Variants in CBL observed in about 807,000 individuals in gnomAD.
CBL encodes the protein E3 ubiquitin-protein ligase CBL.
In CBL, 45 loss-of-function variants were observed where a neutral mutation model predicts 96.9. The ratio of observed to expected loss-of-function variants is 0.46; its 90% CI spans 0.37 to 0.60. CBL has a LOEUF of 0.60. Among genes scored for constraint, CBL ranks in the 20% least tolerant of loss-of-function variants. CBL has a pLI of 0.00. For synonymous variants in CBL, 420 were observed against 426.8 expected (o/e 0.98, Z 0.20); for missense variants, 1,024 against 1,143.5 (o/e 0.90, Z 1.51).
chr11:119,290,666 T>TTTTGTTTTGTTTAG (rs1196652605), intron 12 of CBL, among the ~76,000 whole-genome samples: 1 of 149,178 alleles, frequency 6.7e-6, no homozygotes, highest in Non-Finnish European at 1.5e-5. Flanking sequence ...TCTATTTTTG[T>TTTTGTTTTGTTTAG]TTTGTTTTGT....
chr11:119,278,333 A>G (rs1479931247), intron 8 of CBL, 36 bp downstream of exon 8: 2 of 1,612,680 alleles, frequency 1.2e-6, no homozygotes, highest in East Asian at 2.2e-5. Context: ...TCAGCTATGT[A>G]ATAACCTTGG....
chr11:119,292,613 G>A (rs759585560), intron 12 of CBL, among the ~76,000 whole-genome samples: 8 of 151,970 alleles, frequency 5.3e-5, no homozygotes, highest in Non-Finnish European at 1.0e-4. Flanking sequence ...TAGTAGAGAC[G>A]GGGTTTCACC....
rs1015891924 is a variant in CBL, at chr11:119,302,604, A to T, written c.*2823A>T. 5.2e-5 allele frequency: 12 copies of T among 231,470 alleles called. No individual in the cohort carries two copies. Among genetic ancestry groups the T allele is most frequent in the African/African-American group, 2.7e-4 (12 of 45,228 alleles). The allele number at this position is 231,470 out of a possible 1,614,324, so 14.3% of individuals were successfully genotyped here. On this transcript the variant is annotated 3_prime_UTR_variant, in exon 16 of 16. Transcript: ENST00000264033. ...TGGGCTGTTGTATTCAGCCAGTCTCATGCTTTCCCTGGGTCTTCACGGATT... is the reference window on the plus strand; with the variant it reads ...TGGGCTGTTGTATTCAGCCAGTCTCTTGCTTTCCCTGGGTCTTCACGGATT...
intron 2 of CBL, among the ~76,000 whole-genome samples, chr11:119,243,741 TTC>T (rs1491395519): frequency 6.6e-6 from 1 of 151,932 alleles, no homozygotes; most frequent in African/African-American, 2.4e-5. Flanking sequence ...CTTTTTTTTT[TTC>T]TTTTGGGAGG....
At chr11:119,268,371 A>G (rs752909070) in intron 2 of CBL, among the ~76,000 whole-genome samples, 7 of 152,264 alleles carry the variant, frequency 4.6e-5, no homozygotes, top group Non-Finnish European at 8.8e-5. Flanking sequence ...CTAGTCAGAT[A>G]TGGAGAACAA....
At chr11:119,276,855 T>C (rs1009499389) in intron 6 of CBL, among the ~76,000 whole-genome samples, 4 of 152,252 alleles carry the variant, frequency 2.6e-5, no homozygotes, top group Admixed American at 2.0e-4. Flanking sequence ...ATGATCTCAG[T>C]AGCTTAATTT....
intron 1 of CBL, among the ~76,000 whole-genome samples, chr11:119,211,953 A>G (rs897399909): frequency 1.3e-5 from 2 of 151,108 alleles, no homozygotes; most frequent in African/African-American, 2.4e-5. Context: ...GAGTTCCACT[A>G]TTGTTGCCCA....
At chr11:119,224,391 T>G (rs960796981) in intron 1 of CBL, among the ~76,000 whole-genome samples, 1 of 151,930 alleles carries the variant, frequency 6.6e-6, no homozygotes, top group African/African-American at 2.4e-5. Context: ...TCCCCCTCAT[T>G]ACCTCCAGCC....
At chr11:119,216,857 C>T (rs1198311620) in intron 1 of CBL, among the ~76,000 whole-genome samples, 1 of 151,920 alleles carries the variant, frequency 6.6e-6, no homozygotes, top group African/African-American at 2.4e-5. Flanking sequence ...TCCCATCTCC[C>T]TACCTGTCTT....
Position 119,285,378 on chromosome 11 carries a change from C to A in CBL, c.1753C>A (p.Arg585Ser), listed in dbSNP as rs187952822. The stretch of plus-strand genomic sequence containing the variant: ...CAAACTGCCCCCTGTCCCCTCTAGC[C>A]GCCTTGGAGACTCATGGCTGCCCCG... ...RDKLPPVPSS[R>S]LGDSWLPRPI... Residue 585 changes from arginine (R) to serine (S), a missense_variant, in exon 11 of 16, where the codon CGC becomes AGC. Transcript: ENST00000264033. 6.2e-7 allele frequency: 1 copy of A among 1,614,178 alleles called. No homozygotes were observed. Among genetic ancestry groups the A allele is most frequent in the African/African-American group, 1.3e-5 (1 of 75,040 alleles).
chr11:119,288,785 A>G (rs1340569309), intron 12 of CBL, among the ~76,000 whole-genome samples: 1 of 152,190 alleles, frequency 6.6e-6, no homozygotes, highest in African/African-American at 2.4e-5. Context: ...ACTTGGTTGC[A>G]GTCAGGGAAC....
Position 119,300,262 on chromosome 11 carries a change from T to A in CBL, c.*481T>A, listed in dbSNP as rs1950092503. 1 of 453,758 alleles carries A rather than the reference T, an allele frequency of 2.2e-6. No homozygotes were observed. The allele number at this position is 453,758 out of a possible 1,614,324, so 28.1% of individuals were successfully genotyped here. A position where few individuals can be genotyped will look rare whatever the true frequency, so the allele number is the denominator to read the frequency against. On this transcript the variant is annotated 3_prime_UTR_variant, in exon 16 of 16. Transcript: ENST00000264033. ...AAAGGTTTAGGAAGGAATCTTTTTTTAAAGACTTCCATCTACTGTGGTATT... is the reference window on the plus strand; with the variant it reads ...AAAGGTTTAGGAAGGAATCTTTTTTAAAAGACTTCCATCTACTGTGGTATT...
intron 1 of CBL, among the ~76,000 whole-genome samples, chr11:119,219,628 A>G (rs1949392062): frequency 6.6e-6 from 1 of 151,698 alleles, no homozygotes; most frequent in African/African-American, 2.4e-5. Flanking sequence ...AGTTCATACT[A>G]AGTATTTGGT....
chr11:119,298,221 G>A, intron 14 of CBL, 137 bp from the exon 15 acceptor site: 1 of 791,158 alleles, frequency 1.3e-6, no homozygotes, highest in Admixed American at 2.0e-5. Context: ...ATGGTGTTTG[G>A]CCCACAGTAG....
At chr11:119,297,664 G>A (rs1950073765) in intron 14 of CBL, among the ~76,000 whole-genome samples, 183 bp downstream of exon 14, 1 of 152,136 alleles carries the variant, frequency 6.6e-6, no homozygotes, top group Admixed American at 6.5e-5. Flanking sequence ...CACTATGTTG[G>A]CCAGGCTGGC....
Position 119,235,133 on chromosome 11 carries a change from A to G in CBL, c.443+2438A>G, listed in dbSNP as rs192937626. Among the ~76,000 whole-genome samples the G allele has an allele frequency of 5.4e-4, 82 of 151,240 alleles. 1 individual carries two copies. In the East Asian group the frequency reaches 0.013, roughly 23 times the overall value. ...TTTTCTATTTTTTTTCTTTTTTTTG[A>G]GATGGAGTCTCACTCTGTTGCCCAG... On this transcript the variant is annotated intron_variant, in intron 2 of 15. Transcript: ENST00000264033.
chr11:119,260,369 G>A (rs569664044), intron 2 of CBL, among the ~76,000 whole-genome samples: 9 of 151,586 alleles, frequency 5.9e-5, no homozygotes, highest in East Asian at 1.9e-4. Flanking sequence ...TCAGCCTCCC[G>A]AGTAGCTGCG....
intron 11 of CBL, among the ~76,000 whole-genome samples, chr11:119,286,127 C>T (rs1216458268): frequency 1.3e-5 from 2 of 151,970 alleles, no homozygotes; most frequent in Admixed American, 6.6e-5. Flanking sequence ...GATGAAACCC[C>T]GTCTCTACTA....
intron 2 of CBL, among the ~76,000 whole-genome samples, chr11:119,251,353 C>T (rs1395134189): frequency 6.6e-6 from 1 of 152,114 alleles, no homozygotes; most frequent in African/African-American, 2.4e-5. Context: ...TCCTTAGAAA[C>T]ACACAATGGT....
Sources: gnomAD v4.1 joint callset for allele counts (sites outside exome capture counted in the v4.1 genomes callset) on GRCh38, gnomAD v4.1.1 for gene constraint, MANE v1.5 for transcripts, NCBI Gene and HGNC (gene_info 2026-07-23, HGNC 2026-07-21) for gene names.